Variants in ATG13 observed in about 807,000 individuals in gnomAD.
ATG13 encodes autophagy related 13, also known as autophagy-related protein 13.
Under a neutral mutation model 65.5 loss-of-function variants are expected in ATG13, and 23 were observed. That is an observed-to-expected ratio of 0.35 (90% CI 0.25 to 0.50). The LOEUF (loss-of-function observed/expected upper bound fraction) is 0.50. ATG13 is among the 20% of genes least tolerant of loss of function. The pLI is 0.98. For missense variants in ATG13, 566 were observed against 677.0 expected (o/e 0.84, Z 1.82); for synonymous variants, 252 against 245.2 (o/e 1.03, Z -0.26).
At chr11:46,654,725 A>T (rs1276473844) in intron 7 of ATG13, among the ~76,000 whole-genome samples, 1 of 152,106 alleles carries the variant, frequency 6.6e-6, no homozygotes, top group African/African-American at 2.4e-5. Flanking sequence ...CTGTCTCAAA[A>T]AAAACAGTTG....
chr11:46,656,901 C>G, intron 8 of ATG13, 194 bp from the exon 9 acceptor site: 1 of 556,960 alleles, frequency 1.8e-6, no homozygotes, highest in Non-Finnish European at 3.2e-6. Context: ...GGGAAGAAAC[C>G]TATATATACA....
At chr11:46,671,869 G>T (rs2063811149) in intron 18 of ATG13, among the ~76,000 whole-genome samples, 1 of 152,226 alleles carries the variant, frequency 6.6e-6, no homozygotes, top group South Asian at 2.1e-4. Context: ...CCCAGCAAAG[G>T]GTGTGAAGAA....
Position 46,657,196 on chromosome 11 carries a change from G to T in ATG13, c.596+5G>T. On this transcript the variant is annotated splice_donor_5th_base_variant and intron_variant, in intron 9 of 18. Transcript: ENST00000683050. ...CTTGGCATTCATGTCTACCAGGTGA[G>T]GAAGAGCCCTGGAATCCAAAAGAAC... 1 of 1,609,008 alleles carries T rather than the reference G, an allele frequency of 6.2e-7. No homozygotes were observed.
chr11:46,642,018 G>A (rs1027867344), intron 2 of ATG13, among the ~76,000 whole-genome samples: 1 of 151,834 alleles, frequency 6.6e-6, no homozygotes, highest in Non-Finnish European at 1.5e-5. Context: ...CTGTGATCCT[G>A]CAAGTGATCC....
At chr11:46,656,926 C>A (rs1046604227) in intron 8 of ATG13, 169 bp from the exon 9 acceptor site, 99 of 627,028 alleles carry the variant, frequency 1.6e-4, no homozygotes, top group Non-Finnish European at 2.6e-4. Context: ...CATACACGCA[C>A]ATACACACAC....
At chr11:46,622,008 G>A (rs1313465278) in intron 1 of ATG13, among the ~76,000 whole-genome samples, 4 of 145,498 alleles carry the variant, frequency 2.7e-5, no homozygotes, top group South Asian at 2.2e-4. Flanking sequence ...GTAGTGGGAG[G>A]GGGAACTGAC....
intron 2 of ATG13, among the ~76,000 whole-genome samples, chr11:46,643,311 T>A (rs936090993): frequency 2.0e-5 from 3 of 152,124 alleles, no homozygotes; most frequent in Admixed American, 1.3e-4. Flanking sequence ...TTCTACTACT[T>A]TTATACATGT....
At chr11:46,638,125 G>T (rs1355287806) in intron 2 of ATG13, among the ~76,000 whole-genome samples, 1 of 151,980 alleles carries the variant, frequency 6.6e-6, no homozygotes, top group African/African-American at 2.4e-5. Flanking sequence ...TTGTTTCTTT[G>T]TGATGAGAAC....
intron 1 of ATG13, chr11:46,620,946 T>C (rs1385723528): frequency 6.6e-6 from 1 of 152,082 alleles, no homozygotes; most frequent in Non-Finnish European, 1.5e-5. Context: ...TTTTGGAAAA[T>C]GCTGCTTTCA....
At chr11:46,647,068 C>T (rs1216683386) in intron 5 of ATG13, among the ~76,000 whole-genome samples, 1 of 152,114 alleles carries the variant, frequency 6.6e-6, no homozygotes, top group African/African-American at 2.4e-5. Context: ...ATTATTCCAA[C>T]CACTTGGTAT....
intron 7 of ATG13, among the ~76,000 whole-genome samples, chr11:46,652,118 C>T (rs898860086): frequency 2.6e-5 from 4 of 152,014 alleles, no homozygotes; most frequent in African/African-American, 4.8e-5. Flanking sequence ...CAGGGTGGCA[C>T]GCTCCTGTAA....
rs1418970428 is a variant in ATG13, at chr11:46,633,025, TA to T, written c.-14+2926del. Among the ~76,000 whole-genome samples, 975 of 104,330 alleles carry T rather than the reference TA, an allele frequency of 9.3e-3. 12 individuals carry two copies. The highest frequency in any genetic ancestry group is 0.058 in the African/African-American group (901 of 15,542). 68.4% of individuals were successfully genotyped at this position (104,330 alleles called of 152,430 possible). The stretch of plus-strand genomic sequence containing the variant: ...AAAAATATATATATATATATATATA[TA>T]TTTTTTTTTTTTTTTGGCAACGGGG... On this transcript the variant is annotated intron_variant, in intron 2 of 18. Coordinates refer to ENST00000683050, the MANE Select transcript of ATG13 (RefSeq NM_001346311.2).
chr11:46,619,656 G>A (rs2046717807), intron 1 of ATG13, among the ~76,000 whole-genome samples: 1 of 151,708 alleles, frequency 6.6e-6, no homozygotes, highest in Admixed American at 6.6e-5. Context: ...CCAAAGTGCT[G>A]GGATTACAGA....
At chr11:46,669,131 C>T (rs558283965) in intron 17 of ATG13, among the ~76,000 whole-genome samples, 2 of 152,168 alleles carry the variant, frequency 1.3e-5, no homozygotes, top group African/African-American at 2.4e-5. Flanking sequence ...TGAAATTCAA[C>T]TCTAAATGGA....
chr11:46,660,474 A>C (rs1013818354), intron 11 of ATG13, among the ~76,000 whole-genome samples: 1 of 141,766 alleles, frequency 7.1e-6, no homozygotes, highest in Non-Finnish European at 1.5e-5. Flanking sequence ...CAGTGGCATG[A>C]TTTCAGCTCA....
Position 46,668,571 on chromosome 11 carries a change from C to T in ATG13, c.1324C>T (p.Pro442Ser). 6.2e-7 allele frequency: 1 copy of T among 1,614,118 alleles called. No individual in the cohort carries two copies. Among genetic ancestry groups the T allele is most frequent in the Non-Finnish European group, 8.5e-7 (1 of 1,179,942 alleles). The change falls in exon 16 of 19, where the codon CCA (proline) becomes TCA (serine). Residue 442 changes from proline to serine, a missense_variant. Transcript: ENST00000683050. Reference protein sequence around the residue: ...PKNLELEDTDPMVNPPDSPET... With the variant: ...PKNLELEDTDSMVNPPDSPET... ...GAATTTGGAGCTGGAGGATACCGAT[C>T]CAATGGTGAGCCCACCGTTGACTAC...
At chr11:46,627,484 T>C (rs909420662) in intron 1 of ATG13, among the ~76,000 whole-genome samples, 12 of 152,202 alleles carry the variant, frequency 7.9e-5, no homozygotes, top group African/African-American at 2.9e-4. Flanking sequence ...TAAAAGCTTT[T>C]TTTGAGAAGA....
chr11:46,645,361 C>G lies in ATG13; in HGVS notation c.92C>G (p.Ala31Gly), dbSNP rs2057256109. 6.2e-7 allele frequency: 1 copy of G among 1,613,612 alleles called. No homozygotes were observed. The highest frequency in any genetic ancestry group is 8.5e-7 in the Non-Finnish European group (1 of 1,179,864). ...ALKTVQVIVQARLGEKICTRS... is the reference protein window; with the variant it reads ...ALKTVQVIVQGRLGEKICTRS... ...TAGACTGTCCAAGTGATTGTCCAGG[C>G]TCGGCTTGGTGAAAAGATTTGCACT... Residue 31 changes from alanine (A) to glycine (G), a missense_variant, in exon 4 of 19, where the codon GCT becomes GGT. Ala to Gly is a moderately conservative substitution (Grantham distance 60). Transcript: ENST00000683050.
rs543930914 is a variant in ATG13 at position 46,666,166 on chromosome 11, A to G, written c.1136+647A>G. ...TGTAGACTCCTTGAAGTTCCCTGGTAAGAATCTGATATATCTGCTGGGATG... is the reference window on the plus strand; with the variant it reads ...TGTAGACTCCTTGAAGTTCCCTGGTGAGAATCTGATATATCTGCTGGGATG... On this transcript the variant is annotated intron_variant, in intron 14 of 18. Transcript: ENST00000683050. 6.6e-5 allele frequency among the ~76,000 whole-genome samples: 10 copies of G among 152,314 alleles called. No homozygotes were observed. The East Asian group carries it at 1.5e-3, about 23-fold the overall frequency.
Sources: allele counts gnomAD v4.1 joint callset (sites outside exome capture counted in the v4.1 genomes callset), GRCh38; gene constraint gnomAD v4.1.1; transcripts MANE v1.5; gene names NCBI Gene and HGNC (gene_info 2026-07-23, HGNC 2026-07-21).